JMJD1C: variants seen among roughly 807,000 people sequenced by gnomAD.
JMJD1C encodes the protein jumonji domain-containing protein 1C.
JMJD1C carries 31 observed loss-of-function variants against 245.3 expected under a neutral mutation model. The ratio of observed to expected loss-of-function variants is 0.13; its 90% CI spans 0.09 to 0.17. The LOEUF is 0.17. Ranked by LOEUF, JMJD1C falls within the 10% of genes least tolerant of loss-of-function variation. The probability of loss-of-function intolerance (pLI) is 1.00; values close to 1 mark genes in which losing one functional copy is unlikely to be tolerated. For synonymous variants in JMJD1C, 1,057 were observed against 1,017.4 expected, an observed-to-expected ratio of 1.04 and a Z score of -0.74; for missense variants, 2,691 against 3,000.2, an observed-to-expected ratio of 0.90 and a Z score of 2.41.
chr10:63,176,798 A>ATTTTTTT, intron 23 of JMJD1C: 1 of 135,340 alleles, frequency 7.4e-6, no homozygotes, highest in African/African-American at 2.9e-5. Flanking sequence ...GGAACAGGGT[A>ATTTTTTT]TTTTTTTTTT....
At chr10:63,188,020 A>AT (rs1844333773) in intron 18 of JMJD1C, among the ~76,000 whole-genome samples, 1 of 152,112 alleles carries the variant, frequency 6.6e-6, no homozygotes, top group South Asian at 2.1e-4. Context: ...AAAACACCTA[A>AT]TGTTCTTGTA....
intron 10 of JMJD1C, chr10:63,204,401 A>T: frequency 1.0e-6 from 1 of 985,162 alleles, no homozygotes; most frequent in African/African-American, 1.7e-5. Flanking sequence ...CTCAAGATGA[A>T]AAGAGAATAC....
chr10:63,472,433 G>A (rs906868786), intron 1 of JMJD1C, among the ~76,000 whole-genome samples: 26 of 152,124 alleles, frequency 1.7e-4, no homozygotes, highest in African/African-American at 6.3e-4. Context: ...CTGAGTTCAA[G>A]CAATTCTCGT....
At position 63,220,190 on chromosome 10, in the gene JMJD1C, C is replaced by A. The variant is rs147616493; in HGVS notation, c.448-207G>T. Among the ~76,000 whole-genome samples, 491 of 152,278 alleles carry A rather than the reference C, an allele frequency of 3.2e-3. 3 individuals carry two copies. Among genetic ancestry groups the A allele is most frequent in the African/African-American group, 0.011 (476 of 41,556 alleles). Reference sequence around the variant, plus strand: ...ATCTGTGGTAAGATTTGACCTTTGACAACAATGTCCTAAAGTCAAAATTTG... The same window carrying A: ...ATCTGTGGTAAGATTTGACCTTTGAAAACAATGTCCTAAAGTCAAAATTTG... On this transcript the variant is annotated intron_variant, in intron 3 of 25. Transcript: ENST00000399262.
chr10:63,282,193 T>C (rs902769587), intron 2 of JMJD1C, among the ~76,000 whole-genome samples: 2 of 152,210 alleles, frequency 1.3e-5, no homozygotes, highest in Non-Finnish European at 2.9e-5. Flanking sequence ...ATTACCTCCT[T>C]GTTTGTTAAA....
At chr10:63,374,175 A>G (rs1055998289) in intron 2 of JMJD1C, among the ~76,000 whole-genome samples, 8 of 152,196 alleles carry the variant, frequency 5.3e-5, no homozygotes, top group African/African-American at 1.9e-4. Flanking sequence ...TAATATAAAG[A>G]AAGCTCATAA....
intron 3 of JMJD1C, among the ~76,000 whole-genome samples, chr10:63,221,790 C>T (rs1018274882): frequency 9.9e-5 from 15 of 152,204 alleles, no homozygotes; most frequent in Non-Finnish European, 2.1e-4. Flanking sequence ...GGCACGATCT[C>T]GGCTTACTGC....
chr10:63,256,496 T>C (rs975332444), intron 3 of JMJD1C, among the ~76,000 whole-genome samples: 2 of 152,172 alleles, frequency 1.3e-5, no homozygotes, highest in African/African-American at 4.8e-5. Context: ...AACAAGGAAG[T>C]ATATTGACTC....
chr10:63,426,626 G>A (rs1284655591), intron 1 of JMJD1C, among the ~76,000 whole-genome samples: 3 of 151,808 alleles, frequency 2.0e-5, no homozygotes, highest in Non-Finnish European at 2.9e-5. Flanking sequence ...AGCCAAGATC[G>A]CGCCATTGCA....
intron 2 of JMJD1C, among the ~76,000 whole-genome samples, chr10:63,368,833 A>T (rs533358212): frequency 6.6e-6 from 1 of 151,804 alleles, no homozygotes; most frequent in South Asian, 2.1e-4. Context: ...ACTACAGTAG[A>T]GACAGGGTTT....
intron 1 of JMJD1C, among the ~76,000 whole-genome samples, chr10:63,464,287 G>A (rs1044608821): frequency 1.3e-5 from 2 of 151,954 alleles, no homozygotes; most frequent in Admixed American, 1.3e-4. Flanking sequence ...AATACATGCC[G>A]CATTAACCAT....
chr10:63,236,270 C>G (rs980535765), intron 3 of JMJD1C, among the ~76,000 whole-genome samples: 1 of 152,098 alleles, frequency 6.6e-6, no homozygotes, highest in Non-Finnish European at 1.5e-5. Context: ...TAAACTTGAT[C>G]CAGACCTGTA....
intron 3 of JMJD1C, among the ~76,000 whole-genome samples, chr10:63,240,958 TTATTC>T (rs1278429635): frequency 6.6e-6 from 1 of 152,196 alleles, no homozygotes; most frequent in East Asian, 1.9e-4. Context: ...CTTAGTATTG[TTATTC>T]TAAGTCTAGT....
intron 1 of JMJD1C, among the ~76,000 whole-genome samples, chr10:63,398,889 C>T (rs1406019561): frequency 2.0e-5 from 3 of 152,200 alleles, no homozygotes; most frequent in Non-Finnish European, 4.4e-5. Context: ...AAGTGTGATT[C>T]ACATGCTTTG....
chr10:63,488,591 C>A (rs1258358006), intron 1 of JMJD1C, among the ~76,000 whole-genome samples: 2 of 150,854 alleles, frequency 1.3e-5, no homozygotes, highest in Non-Finnish European at 2.9e-5. Flanking sequence ...TGACACTACA[C>A]AGCAGGGACA....
At chr10:63,237,172 G>C (rs1433344893) in intron 3 of JMJD1C, among the ~76,000 whole-genome samples, 1 of 151,964 alleles carries the variant, frequency 6.6e-6, no homozygotes, top group Non-Finnish European at 1.5e-5. Context: ...CGAGTAGCTG[G>C]GATTACAGGT....
chr10:63,422,610 C>T (rs1229719046), intron 1 of JMJD1C, among the ~76,000 whole-genome samples: 1 of 152,106 alleles, frequency 6.6e-6, no homozygotes, highest in African/African-American at 2.4e-5. Flanking sequence ...ACTGTAGACC[C>T]ACTCAATGAA....
intron 1 of JMJD1C, among the ~76,000 whole-genome samples, chr10:63,398,298 G>A (rs1455997922): frequency 6.6e-6 from 1 of 151,776 alleles, no homozygotes; most frequent in Non-Finnish European, 1.5e-5. Context: ...TTATTTATAG[G>A]TTCCTCTTGC....
Position 63,477,884 on chromosome 10 carries a change from TA to T in JMJD1C, n.113+43853del, listed in dbSNP as rs200458828. On this transcript the variant is annotated intron_variant and non_coding_transcript_variant, in intron 1 of 3. Transcript: ENST00000633035. ...TTAAAGAACTTTCAAAACTCAATAA[TA>T]AAAAAAACAAATTTTTAAAAATTGG... Among the ~76,000 whole-genome samples, 729 of 151,758 alleles carry T rather than the reference TA, an allele frequency of 4.8e-3. 3 individuals carry two copies. Among genetic ancestry groups the T allele is most frequent in the African/African-American group, 0.012 (482 of 41,410 alleles).
Sources: allele counts gnomAD v4.1 joint callset (sites outside exome capture counted in the v4.1 genomes callset), GRCh38; gene constraint gnomAD v4.1.1; transcripts MANE v1.5; gene names NCBI Gene and HGNC (gene_info 2026-07-23, HGNC 2026-07-21).